The following NELL1 variants were observed in gnomAD, a reference collection of about 807,000 sequenced individuals.
NELL1 encodes neural EGFL like 1, also known as protein kinase C-binding protein NELL1.
Under a neutral mutation model 107.4 loss-of-function variants are expected in NELL1, and 76 were observed. The observed-to-expected ratio is 0.71, with a 90% CI of 0.59 to 0.86. The LOEUF (loss-of-function observed/expected upper bound fraction) is 0.86. Among genes scored for constraint, NELL1 ranks in the 40% least tolerant of loss-of-function variants. NELL1 has a pLI of 0.00. For missense variants in NELL1, 1,024 were observed against 1,005.5 expected, an observed-to-expected ratio of 1.02 and a Z score of -0.25; for synonymous variants, 353 against 341.2, an observed-to-expected ratio of 1.03 and a Z score of -0.38.
At chr11:20,972,933 GGT>G (rs1483138614) in intron 12 of NELL1, among the ~76,000 whole-genome samples, 1 of 152,014 alleles carries the variant, frequency 6.6e-6, no homozygotes, top group Non-Finnish European at 1.5e-5. Context: ...CCATTGATTG[GGT>G]GTGAGGAGTA....
chr11:20,736,013 G>T (rs1302789643), intron 2 of NELL1, among the ~76,000 whole-genome samples: 1 of 152,084 alleles, frequency 6.6e-6, no homozygotes, highest in East Asian at 1.9e-4. Flanking sequence ...TAGGAGCAGG[G>T]TAAGCTGATC....
intron 14 of NELL1, among the ~76,000 whole-genome samples, chr11:21,248,350 AAAAG>A (rs1490785651): frequency 6.5e-5 from 9 of 138,420 alleles, no homozygotes; most frequent in South Asian, 2.3e-4. Context: ...TCAAAAAAAA[AAAAG>A]AAAAGAAAAG....
chr11:21,075,249 A>C (rs1041760762), intron 12 of NELL1, among the ~76,000 whole-genome samples: 1 of 152,300 alleles, frequency 6.6e-6, no homozygotes, highest in African/African-American at 2.4e-5. Flanking sequence ...AATTAAAGAC[A>C]ATCTGTGTTG....
At chr11:21,554,947 T>A (rs1426089079) in intron 16 of NELL1, among the ~76,000 whole-genome samples, 1 of 151,876 alleles carries the variant, frequency 6.6e-6, no homozygotes, top group East Asian at 1.9e-4. Flanking sequence ...AGGTTAAGCT[T>A]TCAATTGGTA....
chr11:21,452,669 T>C (rs1853617166), intron 15 of NELL1, among the ~76,000 whole-genome samples: 1 of 152,028 alleles, frequency 6.6e-6, no homozygotes, highest in African/African-American at 2.4e-5. Context: ...TATTGACTGC[T>C]AATCTTATCT....
intron 15 of NELL1, among the ~76,000 whole-genome samples, chr11:21,527,499 C>A (rs1397481668): frequency 6.6e-6 from 1 of 152,100 alleles, no homozygotes; most frequent in Non-Finnish European, 1.5e-5. Flanking sequence ...ACTCTCAGTA[C>A]CAAAATCTGT....
At chr11:20,859,670 T>C (rs1403736912) in intron 4 of NELL1, among the ~76,000 whole-genome samples, 1 of 152,230 alleles carries the variant, frequency 6.6e-6, no homozygotes, top group Non-Finnish European at 1.5e-5. Flanking sequence ...GGTCTCATTA[T>C]AAACTACTGG....
chr11:21,321,143 T>C (rs1010382579), intron 14 of NELL1, among the ~76,000 whole-genome samples: 6 of 152,218 alleles, frequency 3.9e-5, no homozygotes, highest in Non-Finnish European at 7.3e-5. Context: ...TGAAATTCCC[T>C]GGCTCTGAAA....
rs543191476 is a variant in NELL1 at position 21,384,744 on chromosome 11, T to A, written c.1645+13796T>A. Among the ~76,000 whole-genome samples the A allele has an allele frequency of 5.9e-3, 895 of 151,554 alleles. 12 individuals are homozygous for A. Among genetic ancestry groups the A allele is most frequent in the African/African-American group, 0.02 (840 of 41,080 alleles). ...AGTTTACTGAGAATGATGATTTCCATTTTCATCCATGTCCCTACAAAGGAC... is the reference window on the plus strand; with the variant it reads ...AGTTTACTGAGAATGATGATTTCCAATTTCATCCATGTCCCTACAAAGGAC... On this transcript the variant is annotated intron_variant, in intron 15 of 19. Coordinates refer to ENST00000357134, the MANE Select transcript of NELL1 (RefSeq NM_006157.5).
chr11:21,378,426 T>G (rs1163402476), intron 15 of NELL1, among the ~76,000 whole-genome samples: 1 of 151,832 alleles, frequency 6.6e-6, no homozygotes, highest in African/African-American at 2.4e-5. Flanking sequence ...GCTTAACCAT[T>G]CAAGAGCCAG....
chr11:21,398,553 A>T (rs777026125), intron 15 of NELL1, among the ~76,000 whole-genome samples: 3 of 151,444 alleles, frequency 2.0e-5, no homozygotes, highest in Non-Finnish European at 4.4e-5. Flanking sequence ...ATCAAAGTAG[A>T]CTCTTCCCAG....
intron 12 of NELL1, among the ~76,000 whole-genome samples, chr11:20,983,954 C>T (rs544735734): frequency 1.6e-3 from 244 of 152,250 alleles, no homozygotes; most frequent in African/African-American, 5.5e-3. Flanking sequence ...TCACATTAGC[C>T]ATCCCTCAGT....
intron 14 of NELL1, among the ~76,000 whole-genome samples, chr11:21,270,429 G>A (rs1202951897): frequency 6.6e-6 from 1 of 151,982 alleles, no homozygotes; most frequent in African/African-American, 2.4e-5. Flanking sequence ...AAAATTATCA[G>A]GGATAAATGG....
intron 13 of NELL1, among the ~76,000 whole-genome samples, chr11:21,155,527 A>G (rs148582490): frequency 1.7e-3 from 262 of 152,276 alleles, no homozygotes; most frequent in African/African-American, 5.8e-3. Flanking sequence ...AAACAACAGA[A>G]ACATTATTTT....
At chr11:21,284,827 T>C (rs1327352751) in intron 14 of NELL1, 4 of 321,622 alleles carry the variant, frequency 1.2e-5, no homozygotes, top group Admixed American at 4.1e-5. Context: ...GCCACCCACA[T>C]TAATACTGCA....
In NELL1 at chr11:20,862,757, C is replaced by T. The variant is rs571356247; in HGVS notation, c.506+15004C>T. On this transcript the variant is annotated intron_variant, in intron 4 of 19. Transcript: ENST00000357134. ...TCCTAGGCAGAGGACCCTGGCCTTCCGCAGTGTTTGTGTCCCTGCGTACTT... is the reference window on the plus strand; with the variant it reads ...TCCTAGGCAGAGGACCCTGGCCTTCTGCAGTGTTTGTGTCCCTGCGTACTT... Among the ~76,000 whole-genome samples the T allele has an allele frequency of 4.6e-5, 7 of 152,052 alleles. No homozygotes were observed. The East Asian group carries it at 1.2e-3, about 25-fold the overall frequency.
chr11:20,778,061 G>A lies in NELL1; in HGVS notation c.185-5619G>A, dbSNP rs536049587. 7.2e-5 allele frequency among the ~76,000 whole-genome samples: 11 copies of A among 152,302 alleles called. No individual in the cohort carries two copies. The South Asian group carries it at 1.0e-3, about 14-fold the overall frequency. Reference sequence around the variant, plus strand: ...AAAATGCCAGGGTAATGTATAACACGTGAGTTCACAGCCATACGATGCTGC... The same window carrying A: ...AAAATGCCAGGGTAATGTATAACACATGAGTTCACAGCCATACGATGCTGC... On this transcript the variant is annotated intron_variant, in intron 2 of 19. Coordinates refer to ENST00000357134, the MANE Select transcript of NELL1 (RefSeq NM_006157.5).
At chr11:21,565,227 G>T (rs1856942689) in intron 17 of NELL1, among the ~76,000 whole-genome samples, 1 of 151,896 alleles carries the variant, frequency 6.6e-6, no homozygotes, top group South Asian at 2.1e-4. Flanking sequence ...TTGGAAAGAG[G>T]AACTTATTGG....
chr11:21,170,264 T>C, intron 13 of NELL1: 1 of 289,578 alleles, frequency 3.5e-6, no homozygotes, highest in Non-Finnish European at 6.4e-6. Context: ...GGTATGGGCC[T>C]TGGACTGCAT....
Sources: gnomAD v4.1 joint callset for allele counts (sites outside exome capture counted in the v4.1 genomes callset) on GRCh38, gnomAD v4.1.1 for gene constraint, MANE v1.5 for transcripts, NCBI Gene and HGNC (gene_info 2026-07-23, HGNC 2026-07-21) for gene names.